The following KCNN2 variants were observed in gnomAD, a reference collection of about 807,000 sequenced individuals.
KCNN2 encodes the protein potassium calcium-activated channel subfamily N member 2.
A neutral mutation model predicts 55.5 loss-of-function variants in KCNN2; 24 were observed. That is an observed-to-expected ratio of 0.43 (90% CI 0.31 to 0.61). The LOEUF is 0.61. KCNN2 is among the 20% of genes least tolerant of loss of function. The pLI is 0.08. For synonymous variants in KCNN2, 431 were observed against 336.1 expected, an observed-to-expected ratio of 1.28 and a Z score of -3.09; for missense variants, 754 against 853.6, an observed-to-expected ratio of 0.88 and a Z score of 1.45.
chr5:114,390,203 C>A (rs1314295885), intron 2 of KCNN2, among the ~76,000 whole-genome samples: 1 of 152,152 alleles, frequency 6.6e-6, no homozygotes, highest in East Asian at 1.9e-4. Context: ...CTTTTAGAAT[C>A]AAACACGTTG....
intron 2 of KCNN2, among the ~76,000 whole-genome samples, chr5:114,384,162 G>C (rs1758210591): frequency 6.6e-6 from 1 of 152,080 alleles, no homozygotes; most frequent in South Asian, 2.1e-4. Context: ...TTTTCTGTCA[G>C]TTGTAATCAT....
chr5:114,165,127 C>G (rs1752881773), intron 1 of KCNN2, among the ~76,000 whole-genome samples: 1 of 152,096 alleles, frequency 6.6e-6, no homozygotes, highest in Non-Finnish European at 1.5e-5. Flanking sequence ...ATAGTCAATC[C>G]CTGAACAAAA....
intron 1 of KCNN2, among the ~76,000 whole-genome samples, chr5:114,215,604 C>T (rs1268655695): frequency 2.0e-5 from 3 of 152,056 alleles, no homozygotes; most frequent in African/African-American, 7.2e-5. Context: ...TCGGACACCC[C>T]TTTTGCATTC....
chr5:114,388,811 G>GT lies in KCNN2; in HGVS notation c.1219-15619dup, dbSNP rs141234669. ...GTTTACAGTGACTTATTCTATATCAGTTTTTTTTATTTTAACAATCTGGAT... is the reference window on the plus strand; with the variant it reads ...GTTTACAGTGACTTATTCTATATCAGTTTTTTTTTATTTTAACAATCTGGAT... On this transcript the variant is annotated intron_variant, in intron 2 of 7. Transcript: ENST00000673685. 6.4e-3 allele frequency among the ~76,000 whole-genome samples: 966 copies of GT among 151,868 alleles called. 9 individuals are homozygous for GT. The highest frequency in any genetic ancestry group is 0.017 in the Middle Eastern group (5 of 292).
At chr5:114,372,974 T>C (rs1358037352) in intron 2 of KCNN2, among the ~76,000 whole-genome samples, 1 of 152,190 alleles carries the variant, frequency 6.6e-6, no homozygotes, top group African/African-American at 2.4e-5. Context: ...TGAGCATCTC[T>C]TGTGATTTCC....
chr5:114,163,743 A>C (rs1458322815), intron 1 of KCNN2, among the ~76,000 whole-genome samples: 1 of 152,144 alleles, frequency 6.6e-6, no homozygotes, highest in Non-Finnish European at 1.5e-5. Flanking sequence ...TTATACACAC[A>C]GTTTAGCATG....
At chr5:114,447,099 T>C (rs1016381181) in intron 3 of KCNN2, among the ~76,000 whole-genome samples, 4 of 152,218 alleles carry the variant, frequency 2.6e-5, no homozygotes, top group African/African-American at 9.6e-5. Context: ...GTGCAGCTCC[T>C]ATTTCCTTTT....
chr5:114,323,298 G>T (rs1007534529), intron 2 of KCNN2, among the ~76,000 whole-genome samples: 1 of 152,118 alleles, frequency 6.6e-6, no homozygotes, highest in Non-Finnish European at 1.5e-5. Context: ...ACCCAGCTGT[G>T]AAACTTCAAT....
intron 2 of KCNN2, among the ~76,000 whole-genome samples, chr5:114,300,129 A>G (rs757569723): frequency 6.6e-6 from 1 of 151,956 alleles, no homozygotes; most frequent in African/African-American, 2.4e-5. Flanking sequence ...CTAATATTTT[A>G]TTTTTGGGAA....
chr5:114,472,880 C>T (rs1335480109), intron 4 of KCNN2, among the ~76,000 whole-genome samples, 174 bp from the exon 5 acceptor site: 1 of 152,162 alleles, frequency 6.6e-6, no homozygotes, highest in Non-Finnish European at 1.5e-5. Context: ...TTTTTAATCC[C>T]AGTTTAAGGC....
At chr5:114,225,739 A>G (rs1312693795) in intron 2 of KCNN2, among the ~76,000 whole-genome samples, 1 of 152,226 alleles carries the variant, frequency 6.6e-6, no homozygotes, top group African/African-American at 2.4e-5. Flanking sequence ...AGATTCTAAA[A>G]GGGACAAAAT....
At chr5:114,287,536 G>T (rs1250152383) in intron 2 of KCNN2, among the ~76,000 whole-genome samples, 4 of 151,894 alleles carry the variant, frequency 2.6e-5, no homozygotes, top group Non-Finnish European at 5.9e-5. Flanking sequence ...CTGGTAAGTG[G>T]GAGTTGAACA....
chr5:114,078,000 T>G (rs1259248780), intron 1 of KCNN2, among the ~76,000 whole-genome samples: 1 of 152,230 alleles, frequency 6.6e-6, no homozygotes, highest in Non-Finnish European at 1.5e-5. Context: ...TTTGATTATG[T>G]TATTGGTTTA....
At chr5:114,307,215 C>T (rs1291334108) in intron 2 of KCNN2, among the ~76,000 whole-genome samples, 3 of 152,202 alleles carry the variant, frequency 2.0e-5, no homozygotes, top group Non-Finnish European at 2.9e-5. Context: ...CCAGCCTCCT[C>T]ATCAGTCAGT....
Position 114,343,103 on chromosome 5 carries a change from T to G in KCNN2, c.-184-17842T>G, listed in dbSNP as rs139870173. On this transcript the variant is annotated intron_variant, in intron 2 of 10. Coordinates refer to the KCNN2 transcript ENST00000512097. ...TGTCACATCTTCATTTCTTGCTACA[T>G]TTAATTTATCAAATTCAATAAGCCT... 3.9e-5 allele frequency among the ~76,000 whole-genome samples: 6 copies of G among 152,340 alleles called. No individual in the cohort carries two copies. In the Middle Eastern group the frequency reaches 0.01, roughly 259 times the overall value.
At chr5:114,489,175 C>T (rs148569456) in intron 6 of KCNN2, 1 of 152,266 alleles carries the variant, frequency 6.6e-6, no homozygotes, top group East Asian at 1.9e-4. Flanking sequence ...TAATATAAGA[C>T]TCTTCTGGAC....
chr5:114,240,363 CAT>C (rs1300861523), intron 2 of KCNN2, among the ~76,000 whole-genome samples: 2 of 150,698 alleles, frequency 1.3e-5, no homozygotes, highest in East Asian at 1.9e-4. Context: ...GATAGAAAAA[CAT>C]ATAAAAATCT....
upstream of KCNN2, among the ~76,000 whole-genome samples, chr5:114,358,092 T>C (rs1454126439): frequency 6.6e-6 from 1 of 151,486 alleles, no homozygotes; most frequent in Non-Finnish European, 1.5e-5. Flanking sequence ...GCTGCATAAA[T>C]GTCTTCCTTT....
intron 2 of KCNN2, among the ~76,000 whole-genome samples, chr5:114,226,320 G>A (rs766647533): frequency 3.4e-4 from 51 of 151,982 alleles, no homozygotes; most frequent in African/African-American, 1.2e-3. Flanking sequence ...ACAGTATATC[G>A]ATTTATATTC....
Sources: gnomAD v4.1 joint callset for allele counts (sites outside exome capture counted in the v4.1 genomes callset) on GRCh38, gnomAD v4.1.1 for gene constraint, MANE v1.5 for transcripts, NCBI Gene and HGNC (gene_info 2026-07-23, HGNC 2026-07-21) for gene names.